HNF1A: variants seen among roughly 807,000 people sequenced by gnomAD.
The protein encoded by HNF1A is hepatocyte nuclear factor 1-alpha.
Under a neutral mutation model 62.2 loss-of-function variants are expected in HNF1A, and 21 were observed. The observed-to-expected ratio is 0.34, with a 90% CI of 0.24 to 0.49. The LOEUF (loss-of-function observed/expected upper bound fraction) is 0.49, where lower values mean the gene tolerates loss of function less well. HNF1A is among the 20% of genes least tolerant of loss of function. The probability of loss-of-function intolerance (pLI) is 0.99; values close to 1 mark genes in which losing one functional copy is unlikely to be tolerated. For missense variants in HNF1A, 687 were observed against 832.3 expected, an observed-to-expected ratio of 0.83 and a Z score of 2.15; for synonymous variants, 374 against 366.8, an observed-to-expected ratio of 1.02 and a Z score of -0.22.
intron 9 of HNF1A, 107 bp downstream of exon 9, chr12:120,999,734 G>A: frequency 2.2e-6 from 3 of 1,364,236 alleles, no homozygotes; most frequent in South Asian, 1.4e-5. Flanking sequence ...CATGCAGCAG[G>A]CCTAGGGCTG....
chr12:120,985,568 A>G (rs1264267687), intron 1 of HNF1A, among the ~76,000 whole-genome samples: 1 of 151,958 alleles, frequency 6.6e-6, no homozygotes, highest in Non-Finnish European at 1.5e-5. Context: ...AGTACTTGGG[A>G]GTCCGAGGTG....
chr12:121,000,962 G>A, intron 9 of HNF1A, 103 bp from the exon 10 acceptor site: 2 of 1,483,596 alleles, frequency 1.3e-6, no homozygotes, highest in Non-Finnish European at 1.9e-6. Flanking sequence ...TGTGATCCAG[G>A]AGGTGTGGCC....
chr12:120,996,142 A>C lies in HNF1A; in HGVS notation c.956-120A>C. 1 of 1,233,280 alleles carries C rather than the reference A, an allele frequency of 8.1e-7. No homozygotes were observed. The highest frequency in any genetic ancestry group is 2.6e-4 in the Middle Eastern group (1 of 3,838). The allele number at this position is 1,233,280 out of a possible 1,614,324, so 76.4% of individuals were successfully genotyped here. A position where few individuals can be genotyped will look rare whatever the true frequency, so the allele number is the denominator to read the frequency against. ...AAACAAAGGCAGATTTGCTGGCTGC[A>C]TAAAGGCAGACAGGCAGCTGGCCTA... On this transcript the variant is annotated intron_variant, in intron 4 of 9. Coordinates refer to ENST00000257555, the MANE Select transcript of HNF1A (RefSeq NM_000545.8). This position sits in a 1 kb window ranked among gnomAD's most constrained non-coding sequence, Gnocchi z 4.5.
chr12:120,996,934 A>C lies in HNF1A; in HGVS notation c.1309+192A>C. 4 of 1,501,482 alleles carry C rather than the reference A, an allele frequency of 2.7e-6. No homozygotes were observed. Among genetic ancestry groups the C allele is most frequent in the Non-Finnish European group, 2.7e-6 (3 of 1,103,920 alleles). 93.0% of individuals were successfully genotyped at this position (1,501,482 alleles called of 1,614,324 possible). On this transcript the variant is annotated intron_variant, in intron 6 of 9. Coordinates refer to ENST00000257555, the MANE Select transcript of HNF1A (RefSeq NM_000545.8). The surrounding 1 kb of genome is among the most constrained non-coding windows in gnomAD (Gnocchi z 4.5). ...GAACCAAACAGACCAAAATCTCAGC[A>C]ACTCAAGCAGGGAGGCAGGCACTAA...
chr12:120,981,291 G>A lies in HNF1A; in HGVS notation c.326+2197G>A, dbSNP rs568775260. On this transcript the variant is annotated intron_variant, in intron 1 of 9. Coordinates refer to ENST00000257555, the MANE Select transcript of HNF1A (RefSeq NM_000545.8). ...TCAGTGTCTGGGAAGAAGCCGGGGT[G>A]GGTCCTGGGTCCCAGGCCTCCCTGG... Among the ~76,000 whole-genome samples, 175 of 152,292 alleles carry A rather than the reference G, an allele frequency of 1.1e-3. 1 individual carries two copies. Among genetic ancestry groups the A allele is most frequent in the Non-Finnish European group, 1.7e-3 (118 of 68,018 alleles).
chr12:120,982,396 T>A (rs1317147751), intron 1 of HNF1A, among the ~76,000 whole-genome samples: 1 of 151,980 alleles, frequency 6.6e-6, no homozygotes, highest in Non-Finnish European at 1.5e-5. Context: ...CTTGAAGTAT[T>A]CTGATCCTGC....
intron 7 of HNF1A, 72 bp from the exon 8 acceptor site, chr12:120,999,196 C>T (rs1189972841): frequency 2.5e-6 from 4 of 1,589,150 alleles, no homozygotes; most frequent in South Asian, 2.2e-5. Flanking sequence ...CCCCCTTTCC[C>T]CAGTCTTGAG....
At chr12:120,990,144 A>AT (rs781218891) in intron 2 of HNF1A, among the ~76,000 whole-genome samples, 2 of 151,508 alleles carry the variant, frequency 1.3e-5, no homozygotes, top group Non-Finnish European at 1.5e-5. Flanking sequence ...TTTTTTTATT[A>AT]TTTTTTTATT....
intron 2 of HNF1A, among the ~76,000 whole-genome samples, chr12:120,991,503 G>A (rs1381220930): frequency 6.6e-6 from 1 of 152,182 alleles, no homozygotes; most frequent in Non-Finnish European, 1.5e-5. Flanking sequence ...CCAAGGCAAG[G>A]GAATCGCTTG....
chr12:120,986,772 T>C (rs1328829092), intron 1 of HNF1A, among the ~76,000 whole-genome samples: 3 of 152,138 alleles, frequency 2.0e-5, no homozygotes, highest in Non-Finnish European at 4.4e-5. Flanking sequence ...ATTTTTTTCG[T>C]AGAGATGGTT....
chr12:120,984,694 G>C (rs1876423275), intron 1 of HNF1A, among the ~76,000 whole-genome samples: 1 of 151,938 alleles, frequency 6.6e-6, no homozygotes, highest in Non-Finnish European at 1.5e-5. Flanking sequence ...AGGATCCTAG[G>C]AGCCCCGGAA....
rs910057795 is a variant in HNF1A, at chr12:120,997,422, G to A, written c.1310-52G>A. The A allele has an allele frequency of 1.3e-4, 197 of 1,542,468 alleles. 1 individual carries two copies. Among genetic ancestry groups the A allele is most frequent in the Non-Finnish European group, 1.6e-4 (185 of 1,146,638 alleles). On this transcript the variant is annotated intron_variant, in intron 6 of 9. Transcript: ENST00000257555. ...TGGTGCCCTTGGGAGGTCTTGGGCAGGGGTGGGATATAACTGGGGGGCCCA... is the reference window on the plus strand; with the variant it reads ...TGGTGCCCTTGGGAGGTCTTGGGCAAGGGTGGGATATAACTGGGGGGCCCA...
In HNF1A at chr12:120,996,511, C is replaced by G; in HGVS notation, c.1108-30C>G. On this transcript the variant is annotated intron_variant, in intron 5 of 9. Coordinates refer to ENST00000257555, the MANE Select transcript of HNF1A (RefSeq NM_000545.8). The surrounding 1 kb of genome is among the most constrained non-coding windows in gnomAD (Gnocchi z 4.5). ...GGGAGGCCCTGTGGGGACCCCGGCC[C>G]CCCGGACACAGCTTGGCTTCCCCTC... 1.2e-6 allele frequency: 2 copies of G among 1,613,088 alleles called. No homozygotes were observed. The highest frequency in any genetic ancestry group is 1.7e-6 in the Non-Finnish European group (2 of 1,179,670).
rs2135842834 is a variant in HNF1A at position 120,994,413 on chromosome 12, G to A, written c.955+8G>A. On this transcript the variant is annotated splice_region_variant and intron_variant, in intron 4 of 9. Coordinates refer to ENST00000257555, the MANE Select transcript of HNF1A (RefSeq NM_000545.8). Reference sequence around the variant, plus strand: ...CCCCCAGTAAGGTCCACGGTAAGTGGTATGTGGGGACAAGGGACACGTGGG... The same window carrying A: ...CCCCCAGTAAGGTCCACGGTAAGTGATATGTGGGGACAAGGGACACGTGGG... The A allele has an allele frequency of 6.3e-7, 1 of 1,584,598 alleles. No individual in the cohort carries two copies. The highest frequency in any genetic ancestry group is 1.1e-5 in the South Asian group (1 of 87,342).
In HNF1A at chr12:121,001,574, C is replaced by T. The variant is rs1877487227; in HGVS notation, c.*382C>T. ...GACCGCTACACCACTCTGGCAGCCA[C>T]ACTTCTCAGGACACAGGCCTGTGTA... On this transcript the variant is annotated 3_prime_UTR_variant, in exon 10 of 10. Coordinates refer to ENST00000257555, the MANE Select transcript of HNF1A (RefSeq NM_000545.8). 1 of 440,468 alleles carries T rather than the reference C, an allele frequency of 2.3e-6. No homozygotes were observed. Among genetic ancestry groups the T allele is most frequent in the Non-Finnish European group, 4.3e-6 (1 of 232,036 alleles). 27.3% of individuals were successfully genotyped at this position (440,468 alleles called of 1,614,324 possible).
chr12:120,999,533 G>A lies in HNF1A; in HGVS notation c.1674G>A (p.Pro558=), dbSNP rs780280661. The change falls in exon 9 of 10, where the codon CCG becomes CCA. Residue 558 remains proline (P), a synonymous_variant. Coordinates refer to ENST00000257555, the MANE Select transcript of HNF1A (RefSeq NM_000545.8). ...CCAGTGAGTCCGGGCTTCACACGCC[G>A]GCATCTCAGGCCACCACCCTCCACG... is the stretch of plus-strand genomic sequence containing the variant. The part of the protein sequence containing the change: ...EASSESGLHT[P]ASQATTLHVP... 69 of 1,613,044 alleles carry A rather than the reference G, an allele frequency of 4.3e-5. No individual in the cohort carries two copies. Among genetic ancestry groups the A allele is most frequent in the Middle Eastern group, 1.6e-4 (1 of 6,080 alleles).
At chr12:120,991,287 A>G (rs552079076) in intron 2 of HNF1A, among the ~76,000 whole-genome samples, 4 of 152,048 alleles carry the variant, frequency 2.6e-5, no homozygotes, top group Admixed American at 1.3e-4. Context: ...AGTAAAAATC[A>G]CTGTTGAAAA....
intron 9 of HNF1A, 51 bp from the exon 10 acceptor site, chr12:121,001,014 G>A: frequency 1.2e-6 from 2 of 1,609,136 alleles, no homozygotes; most frequent in East Asian, 4.5e-5. Context: ...AGGCAGGTGG[G>A]GTGGGTGTGG....
Position 120,979,118 on chromosome 12 carries a change from G to T in HNF1A, c.326+24G>T, listed in dbSNP as rs199785468. 4.4e-6 allele frequency: 7 copies of T among 1,585,810 alleles called. No homozygotes were observed. In the South Asian group the frequency reaches 8.0e-5, roughly 18 times the overall value. ...CAGTAAGGAGCCCTGCCCCGTCCCC[G>T]CTCCCAGGAGAGCCTAGAGGGGCCC... On this transcript the variant is annotated intron_variant, in intron 1 of 9. Coordinates refer to ENST00000257555, the MANE Select transcript of HNF1A (RefSeq NM_000545.8).
Sources: gnomAD v4.1 joint callset for allele counts (sites outside exome capture counted in the v4.1 genomes callset) on GRCh38, gnomAD v4.1.1 for gene constraint, Gnocchi (gnomAD v3.1) non-coding constraint, MANE v1.5 for transcripts, NCBI Gene and HGNC (gene_info 2026-07-23, HGNC 2026-07-21) for gene names.